The following ERICH1 variants were observed in gnomAD, a reference collection of about 807,000 sequenced individuals.
ERICH1 encodes the protein glutamate rich 1, also known as glutamate-rich protein 1.
A neutral mutation model predicts 39.6 loss-of-function variants in ERICH1; 56 were observed. The observed-to-expected ratio is 1.41, with a 90% CI of 1.14 to 1.77. The LOEUF (loss-of-function observed/expected upper bound fraction) is 1.77. Among genes scored for constraint, ERICH1 ranks in the 40% most tolerant of loss-of-function variants. The pLI is 0.00. For synonymous variants in ERICH1, 313 were observed against 223.6 expected (o/e 1.40, Z -3.57); for missense variants, 826 against 575.4 (o/e 1.44, Z -4.45).
chr8:640,669 T>A (rs1798876919), intron 3 of ERICH1: 1 of 152,206 alleles, frequency 6.6e-6, no homozygotes, highest in African/African-American at 2.4e-5. Context: ...ATGAGTGGCA[T>A]GTGCACGACA....
chr8:679,693 G>C (rs1258437876), intron 3 of ERICH1, among the ~76,000 whole-genome samples: 2 of 152,230 alleles, frequency 1.3e-5, no homozygotes, highest in East Asian at 3.8e-4. Context: ...CCACAGGCAA[G>C]GTCATAAGTC....
chr8:636,888 C>T (rs1798481820), intron 3 of ERICH1, among the ~76,000 whole-genome samples: 2 of 152,252 alleles, frequency 1.3e-5, no homozygotes, highest in Non-Finnish European at 1.5e-5. Context: ...TCCCAGCCTG[C>T]ACAGCCCACT....
chr8:671,110 T>C, intron 4 of ERICH1, among the ~76,000 whole-genome samples: 1 of 130,292 alleles, frequency 7.7e-6, no homozygotes, highest in Non-Finnish European at 1.7e-5. Context: ...TGCTCACTGG[T>C]CCCCAGGCTC....
chr8:706,922 G>C (rs1033318976), intron 2 of ERICH1, among the ~76,000 whole-genome samples: 1 of 152,182 alleles, frequency 6.6e-6, no homozygotes, highest in Non-Finnish European at 1.5e-5. Flanking sequence ...ATACTGCCCA[G>C]TGTTCTACAA....
At chr8:651,308 G>C (rs1585043048) in intron 3 of ERICH1, among the ~76,000 whole-genome samples, 1 of 152,200 alleles carries the variant, frequency 6.6e-6, no homozygotes, top group Non-Finnish European at 1.5e-5. Flanking sequence ...TTGGGTGGGA[G>C]TGGGAAAAGA....
At chr8:668,504 C>G (rs1438783207) in intron 5 of ERICH1, 94 bp downstream of exon 5, 1 of 1,331,704 alleles carries the variant, frequency 7.5e-7, no homozygotes, top group Non-Finnish European at 1.1e-6. Context: ...TATTTTCCAA[C>G]TCATTGCTGT....
chr8:656,803 C>T, intron 3 of ERICH1: 1 of 985,488 alleles, frequency 1.0e-6, no homozygotes, highest in Non-Finnish European at 1.2e-6. Context: ...GACTCCCAGC[C>T]TCAGGACTCC....
At position 668,207 on chromosome 8, in the gene ERICH1, G is replaced by A. The variant is rs866295523; in HGVS notation, c.1258+391C>T. The A allele has an allele frequency of 6.1e-5, 16 of 261,526 alleles. 1 individual carries two copies. The highest frequency in any genetic ancestry group is 3.1e-4 in the Admixed American group (6 of 19,526). 16.2% of individuals were successfully genotyped at this position (261,526 alleles called of 1,614,324 possible). On this transcript the variant is annotated intron_variant, in intron 5 of 5. Coordinates refer to ENST00000262109, the MANE Select transcript of ERICH1 (RefSeq NM_207332.3). ...GTGAAGGTGGCAGAAAATAAAAGTC[G>A]TCATCACCACGTCAGGGGTTCAATA...
intron 3 of ERICH1, among the ~76,000 whole-genome samples, chr8:635,450 C>T (rs2117156514): frequency 6.6e-6 from 1 of 152,344 alleles, no homozygotes; most frequent in Admixed American, 6.5e-5. Context: ...GTGAGAGGGG[C>T]TGTCTAGGGC....
intron 3 of ERICH1, chr8:625,781 T>C (rs187897142): frequency 2.0e-5 from 3 of 152,290 alleles, no homozygotes; most frequent in African/African-American, 7.2e-5. Flanking sequence ...CGTCGTTGAC[T>C]TGTGTCCCGC....
At chr8:635,911 G>C (rs1798400800) in intron 3 of ERICH1, among the ~76,000 whole-genome samples, 1 of 152,218 alleles carries the variant, frequency 6.6e-6, no homozygotes, top group South Asian at 2.1e-4. Flanking sequence ...TAACTTGCAA[G>C]CGGCTCTTAC....
At chr8:723,212 C>A (rs1055879255) in intron 1 of ERICH1, among the ~76,000 whole-genome samples, 5 of 152,228 alleles carry the variant, frequency 3.3e-5, no homozygotes, top group African/African-American at 4.8e-5. Flanking sequence ...CCCGACGGGG[C>A]CTCACCAGAA....
rs184129001 is a variant in ERICH1, at chr8:728,706, C to T, written c.22+2434G>A. The stretch of plus-strand genomic sequence containing the variant: ...GTTCATGGTCGGAGCTGCACAGCAC[C>T]TCTCAGAGGCTTGCAAAGTAGGCCC... On this transcript the variant is annotated intron_variant, in intron 1 of 5. Coordinates refer to ENST00000262109, the MANE Select transcript of ERICH1 (RefSeq NM_207332.3). Among the ~76,000 whole-genome samples, 16 of 152,328 alleles carry T rather than the reference C, an allele frequency of 1.1e-4. No homozygotes were observed. In the East Asian group the frequency reaches 2.9e-3, roughly 28 times the overall value.
At position 673,370 on chromosome 8, in the gene ERICH1, C is replaced by T. The variant is rs1803872761; in HGVS notation, c.982G>A (p.Glu328Lys). 2 of 1,614,084 alleles carry T rather than the reference C, an allele frequency of 1.2e-6. No individual in the cohort carries two copies. The highest frequency in any genetic ancestry group is 2.2e-5 in the East Asian group (1 of 44,894). ...TTTTCATTGGTAATTGTATCATCTT[C>T]CTCGCTGGCGTCTGCACCGTCCTCC... is the stretch of plus-strand genomic sequence containing the variant. ...GEEDGADASE[E>K]DDTITNEKAH... The change falls in exon 4 of 6, where the codon GAA becomes AAA. Residue 328 changes from glutamate to lysine, a missense_variant. By Grantham distance (56) the Glu-to-Lys change is moderately conservative. Coordinates refer to ENST00000262109, the MANE Select transcript of ERICH1 (RefSeq NM_207332.3).
intron 2 of ERICH1, among the ~76,000 whole-genome samples, chr8:702,332 A>C (rs961755473): frequency 1.4e-4 from 22 of 152,308 alleles, no homozygotes; most frequent in African/African-American, 5.1e-4. Context: ...TGGAGAAACA[A>C]GAACGCCGGC....
chr8:703,657 C>T (rs1053952987), intron 2 of ERICH1, among the ~76,000 whole-genome samples: 8 of 152,140 alleles, frequency 5.3e-5, no homozygotes, highest in African/African-American at 1.4e-4. Flanking sequence ...TCCTCCTTCC[C>T]GCTCCAACTC....
Position 668,761 on chromosome 8 carries a change from G to T in ERICH1, c.1095C>A (p.Leu365=). ...CCAGCAGCTCCTCAGCGGCATCTGC[G>T]AGGGCAGCTGAAGCTGCATCTCTGG... ...GVSRDAASAA[L]ADAAEELLDR... Residue 365 remains leucine (L), a synonymous_variant, in exon 5 of 6, where the codon CTC becomes CTA. Transcript: ENST00000262109. 3 of 1,611,888 alleles carry T rather than the reference G, an allele frequency of 1.9e-6. No individual in the cohort carries two copies. Among genetic ancestry groups the T allele is most frequent in the Non-Finnish European group, 2.5e-6 (3 of 1,178,634 alleles).
chr8:679,660 G>T (rs1177249959), intron 3 of ERICH1, among the ~76,000 whole-genome samples: 1 of 152,220 alleles, frequency 6.6e-6, no homozygotes, highest in South Asian at 2.1e-4. Context: ...AATCTAAATC[G>T]GATACCGGAT....
At chr8:673,085 GA>G (rs1308769417) in intron 4 of ERICH1, among the ~76,000 whole-genome samples, 1 of 152,250 alleles carries the variant, frequency 6.6e-6, no homozygotes, top group African/African-American at 2.4e-5. Context: ...ATCATCGGTG[GA>G]AAGCACATAA....
Sources: gnomAD v4.1 joint callset for allele counts (sites outside exome capture counted in the v4.1 genomes callset) on GRCh38, gnomAD v4.1.1 for gene constraint, MANE v1.5 for transcripts, NCBI Gene and HGNC (gene_info 2026-07-23, HGNC 2026-07-21) for gene names.